SLC35D1: variants seen among roughly 807,000 people sequenced by gnomAD.
The protein encoded by SLC35D1 is nucleotide sugar transporter SLC35D1.
In SLC35D1, 31 loss-of-function variants were observed where a neutral mutation model predicts 46.7. The observed-to-expected ratio is 0.66, with a 90% CI of 0.50 to 0.90. The LOEUF (loss-of-function observed/expected upper bound fraction) is 0.90. Ranked by LOEUF, SLC35D1 falls within the 40% of genes least tolerant of loss-of-function variation. SLC35D1 has a pLI of 0.00. For missense variants in SLC35D1, 397 were observed against 426.2 expected (o/e 0.93, Z 0.60); for synonymous variants, 195 against 164.6 (o/e 1.18, Z -1.41).
intron 4 of SLC35D1, among the ~76,000 whole-genome samples, chr1:67,051,071 GA>G (rs1645303531): frequency 6.6e-6 from 1 of 150,648 alleles, no homozygotes; most frequent in Non-Finnish European, 1.5e-5. Context: ...GGATGAGATG[GA>G]TGAAAAAAAG....
intron 7 of SLC35D1, among the ~76,000 whole-genome samples, chr1:67,042,613 G>A (rs2102347194): frequency 6.6e-6 from 1 of 152,134 alleles, no homozygotes; most frequent in Non-Finnish European, 1.5e-5. Context: ...CCTCAAAATA[G>A]CAAGTAGAAA....
In SLC35D1 at chr1:67,053,055, T is replaced by C. The variant is rs1645327783; in HGVS notation, c.204-66A>G. 10 of 1,572,106 alleles carry C rather than the reference T, an allele frequency of 6.4e-6. No individual in the cohort carries two copies. In the Admixed American group the frequency reaches 1.8e-4, roughly 28 times the overall value. ...CTAACTTAGCTCCGTGAATTCAATTTGCACATCGGCAACGTTAATAAGGCA... is the reference window on the plus strand; with the variant it reads ...CTAACTTAGCTCCGTGAATTCAATTCGCACATCGGCAACGTTAATAAGGCA... On this transcript the variant is annotated intron_variant, in intron 1 of 11. Coordinates refer to ENST00000235345, the MANE Select transcript of SLC35D1 (RefSeq NM_015139.3).
intron 8 of SLC35D1, among the ~76,000 whole-genome samples, chr1:67,041,701 T>C (rs1051469461): frequency 1.3e-5 from 2 of 152,198 alleles, no homozygotes; most frequent in Non-Finnish European, 2.9e-5. Flanking sequence ...TAGCTAGACA[T>C]TTGCAGAAAA....
At chr1:66,975,061 G>A in the SLC35D1 span, among the ~76,000 whole-genome samples, 6 of 152,174 alleles carry the variant, frequency 3.9e-5, no homozygotes, top group Non-Finnish European at 5.9e-5. Flanking sequence ...GATCAGAGCT[G>A]TACAGTGCAA....
intron 10 of SLC35D1, among the ~76,000 whole-genome samples, chr1:67,018,977 GT>G (rs1283995043): frequency 2.0e-5 from 3 of 152,208 alleles, no homozygotes; most frequent in Admixed American, 6.5e-5. Context: ...TCCCTGTGGA[GT>G]TTGTAAGTAA....
intron 8 of SLC35D1, among the ~76,000 whole-genome samples, chr1:67,031,025 G>T (rs2102312154): frequency 6.6e-6 from 1 of 152,214 alleles, no homozygotes; most frequent in African/African-American, 2.4e-5. Flanking sequence ...AAGCCCCAAG[G>T]CTGTCTACAC....
At chr1:67,026,353 C>T (rs1281290601) in intron 8 of SLC35D1, among the ~76,000 whole-genome samples, 1 of 152,162 alleles carries the variant, frequency 6.6e-6, no homozygotes, top group Non-Finnish European at 1.5e-5. Flanking sequence ...CTGAGATAAA[C>T]ACAATATGGT....
intron 11 of SLC35D1, 105 bp from the exon 12 acceptor site, chr1:67,004,553 A>C: frequency 1.2e-6 from 1 of 865,464 alleles, no homozygotes; most frequent in South Asian, 1.4e-5. Context: ...TGAAGAGTAA[A>C]GTTTCACAGT....
rs1398103745 is a variant in SLC35D1, at chr1:67,000,085, A to AGAGT, written c.*4251_*4254dup. On this transcript the variant is annotated 3_prime_UTR_variant, in exon 12 of 12. Transcript: ENST00000235345. ...AGGAGTTTGAGACCAGTCTGGCAAC[A>AGAGT]GAGTGAGACCCTGTCTTTACCAGAA... 22 of 150,948 alleles carry AGAGT rather than the reference A, an allele frequency of 1.5e-4. No individual in the cohort carries two copies. Among genetic ancestry groups the AGAGT allele is most frequent in the African/African-American group, 5.4e-4 (22 of 40,816 alleles). 9.4% of individuals were successfully genotyped at this position (150,948 alleles called of 1,614,324 possible). A position where few individuals can be genotyped will look rare whatever the true frequency, so the allele number is the denominator to read the frequency against.
rs563323869 is a variant in SLC35D1 at position 67,027,542 on chromosome 1, GGA to G, written c.730-5942_730-5941del. On this transcript the variant is annotated intron_variant, in intron 8 of 11. Coordinates refer to ENST00000235345, the MANE Select transcript of SLC35D1 (RefSeq NM_015139.3). ...TCCTACCTCAGGCTCCCAAAGCATT[GGA>G]ATTACAGGCATGAGCCACCTCATCC... 1.6e-3 allele frequency among the ~76,000 whole-genome samples: 236 copies of G among 152,178 alleles called. 1 individual carries two copies. The highest frequency in any genetic ancestry group is 5.3e-3 in the African/African-American group (218 of 41,512).
chr1:66,981,715 T>G, the SLC35D1 span: 1 of 1,334,748 alleles, frequency 7.5e-7, no homozygotes, highest in Non-Finnish European at 1.0e-6. Context: ...CTTCTGAATT[T>G]AACCTCAACT....
chr1:66,984,695 G>A, the SLC35D1 span: 8 of 1,613,994 alleles, frequency 5.0e-6, no homozygotes, highest in Non-Finnish European at 5.9e-6. Context: ...GATACTAATG[G>A]TTATGAAACA....
At chr1:67,013,839 A>G (rs921704850) in intron 10 of SLC35D1, among the ~76,000 whole-genome samples, 2 of 152,216 alleles carry the variant, frequency 1.3e-5, no homozygotes, top group African/African-American at 4.8e-5. Flanking sequence ...ACAAGAGACT[A>G]CTTGTTTCTT....
chr1:66,991,322 C>T, the SLC35D1 span, among the ~76,000 whole-genome samples: 1 of 152,128 alleles, frequency 6.6e-6, no homozygotes, highest in Admixed American at 6.5e-5. Context: ...TTGGGGGAGG[C>T]TGGGGAGAAG....
At chr1:67,012,200 G>T (rs930368970) in intron 10 of SLC35D1, among the ~76,000 whole-genome samples, 1 of 152,076 alleles carries the variant, frequency 6.6e-6, no homozygotes, top group African/African-American at 2.4e-5. Flanking sequence ...TTGTTGCCTG[G>T]TTAGTACTAA....
intron 7 of SLC35D1, among the ~76,000 whole-genome samples, chr1:67,044,554 T>C (rs1645230760): frequency 6.6e-6 from 1 of 152,222 alleles, no homozygotes; most frequent in Non-Finnish European, 1.5e-5. Context: ...TGCACACACA[T>C]ACACATACAA....
the SLC35D1 span, chr1:66,976,508 C>T: frequency 4.4e-6 from 6 of 1,353,334 alleles, no homozygotes; most frequent in African/African-American, 4.4e-5. Flanking sequence ...AAGGACTAGC[C>T]AAATTTATTT....
intron 8 of SLC35D1, among the ~76,000 whole-genome samples, chr1:67,037,975 C>T (rs949804101): frequency 1.3e-5 from 2 of 152,208 alleles, no homozygotes; most frequent in African/African-American, 4.8e-5. Context: ...CAAAACTACA[C>T]ATTCCAGCTT....
At chr1:67,012,259 C>A (rs891787984) in intron 10 of SLC35D1, among the ~76,000 whole-genome samples, 3 of 152,162 alleles carry the variant, frequency 2.0e-5, no homozygotes, top group African/African-American at 7.2e-5. Flanking sequence ...ATTAACAGGT[C>A]TGTGACTGGT....
Sources: allele counts gnomAD v4.1 joint callset (sites outside exome capture counted in the v4.1 genomes callset), GRCh38; gene constraint gnomAD v4.1.1; transcripts MANE v1.5; gene names NCBI Gene and HGNC (gene_info 2026-07-23, HGNC 2026-07-21).